Variants in TBCD observed in about 807,000 individuals in gnomAD.
TBCD encodes the protein tubulin folding cofactor D.
Under a neutral mutation model 169.3 loss-of-function variants are expected in TBCD, and 105 were observed. The ratio of observed to expected loss-of-function variants is 0.62; its 90% CI spans 0.53 to 0.73. The LOEUF (loss-of-function observed/expected upper bound fraction) is 0.73, where lower values mean the gene tolerates loss of function less well. Ranked by LOEUF, TBCD falls within the 30% of genes least tolerant of loss-of-function variation. The probability of loss-of-function intolerance (pLI) is 0.00; values close to 1 mark genes in which losing one functional copy is unlikely to be tolerated. For missense variants in TBCD, 1,444 were observed against 1,600.1 expected (o/e 0.90, Z 1.66); for synonymous variants, 700 against 643.9 (o/e 1.09, Z -1.32).
intron 21 of TBCD, chr17:82,908,325 C>T (rs992717563): frequency 1.8e-5 from 8 of 456,750 alleles, no homozygotes; most frequent in African/African-American, 1.6e-4. Flanking sequence ...GGTCTGATGT[C>T]TCCTGAAAGT....
At chr17:82,830,938 A>G in intron 13 of TBCD, 2 of 1,613,268 alleles carry the variant, frequency 1.2e-6, no homozygotes, top group South Asian at 1.1e-5. Context: ...TGCGTGAAGC[A>G]GTGTGAGCAA....
In TBCD at chr17:82,890,437, C is replaced by T. The variant is rs1485168666; in HGVS notation, c.1563+740C>T. Among the ~76,000 whole-genome samples the T allele has an allele frequency of 2.0e-5, 3 of 152,048 alleles. No individual in the cohort carries two copies. The highest frequency in any genetic ancestry group is 2.9e-5 in the Non-Finnish European group (2 of 68,004). The stretch of plus-strand genomic sequence containing the variant: ...TGGGCTGTGGCCAGGTGGTGTGGGG[C>T]GGCATGGGGTGGACGTGGGCCTGCG... On this transcript the variant is annotated intron_variant, in intron 16 of 38. Transcript: ENST00000355528. The surrounding 1 kb of genome is among the most constrained non-coding windows in gnomAD (Gnocchi z 5.3).
chr17:82,864,982 T>A lies in TBCD; in HGVS notation c.1319-5242T>A, dbSNP rs1339558237. Among the ~76,000 whole-genome samples, 3 of 152,146 alleles carry A rather than the reference T, an allele frequency of 2.0e-5. No individual in the cohort carries two copies. The highest frequency in any genetic ancestry group is 4.4e-5 in the Non-Finnish European group (3 of 68,020). On this transcript the variant is annotated intron_variant, in intron 13 of 38. Transcript: ENST00000355528. The surrounding 1 kb of genome is among the most constrained non-coding windows in gnomAD (Gnocchi z 6.3). The stretch of plus-strand genomic sequence containing the variant: ...GCAGGCCGAGCACCAAGTCTGTGCT[T>A]GCCCCACTGTGCAGCGTTGCAGGTG...
At chr17:82,871,110 C>G (rs1021540214) in intron 14 of TBCD, among the ~76,000 whole-genome samples, 2 of 152,206 alleles carry the variant, frequency 1.3e-5, no homozygotes, top group Non-Finnish European at 2.9e-5. Flanking sequence ...AGAAGCTGTG[C>G]GGCCTGTGGC....
chr17:82,876,202 TC>T (rs1397398152), intron 14 of TBCD, among the ~76,000 whole-genome samples: 1 of 152,158 alleles, frequency 6.6e-6, no homozygotes, highest in Non-Finnish European at 1.5e-5. Flanking sequence ...GGCGTGCACT[TC>T]CCCTTGACTC....
At chr17:82,900,514 G>T in intron 17 of TBCD, 137 bp from the exon 18 acceptor site, 1 of 682,266 alleles carries the variant, frequency 1.5e-6, no homozygotes, top group Non-Finnish European at 2.6e-6. Context: ...CTGCTCAGGA[G>T]GGAATGGCTG....
chr17:82,876,260 G>A (rs2057964020), intron 14 of TBCD, among the ~76,000 whole-genome samples: 1 of 152,204 alleles, frequency 6.6e-6, no homozygotes, highest in African/African-American at 2.4e-5. Flanking sequence ...CCATTTCTCT[G>A]TGTTGGGAAA....
In TBCD at chr17:82,884,292, A is replaced by G. The variant is rs1163546459; in HGVS notation, c.1533+90A>G. On this transcript the variant is annotated intron_variant, in intron 15 of 38. Transcript: ENST00000355528. The surrounding 1 kb of genome is among the most constrained non-coding windows in gnomAD (Gnocchi z 4.2). ...CTCCTCTGTGCACTGCTGCCTGGCCAGCTCACCCATCCACAGCAGGAGCCG... is the reference window on the plus strand; with the variant it reads ...CTCCTCTGTGCACTGCTGCCTGGCCGGCTCACCCATCCACAGCAGGAGCCG... 7.9e-7 allele frequency: 1 copy of G among 1,272,358 alleles called. No homozygotes were observed. The highest frequency in any genetic ancestry group is 2.0e-5 in the Admixed American group (1 of 50,542). The allele number at this position is 1,272,358 out of a possible 1,614,324, so 78.8% of individuals were successfully genotyped here. A position where few individuals can be genotyped will look rare whatever the true frequency, so the allele number is the denominator to read the frequency against.
At chr17:82,829,307 AC>A (rs3834573) in intron 13 of TBCD, 64,357 of 149,754 alleles carry the variant, frequency 0.43, 13,677 homozygotes, top group East Asian at 0.55. Flanking sequence ...GAATGTGCAC[AC>A]CCCCCCCACA....
intron 2 of TBCD, among the ~76,000 whole-genome samples, chr17:82,761,462 C>T (rs952738366): frequency 1.3e-5 from 2 of 152,170 alleles, no homozygotes; most frequent in African/African-American, 4.8e-5. Flanking sequence ...ACACCCCGCG[C>T]TATCAAGATA....
intron 16 of TBCD, 93 bp from the exon 17 acceptor site, chr17:82,893,454 G>C: frequency 1.9e-6 from 2 of 1,031,574 alleles, no homozygotes; most frequent in South Asian, 1.5e-5. Flanking sequence ...GGGTTCATGA[G>C]TGTAAATGTC....
chr17:82,780,281 C>T (rs976923658), intron 6 of TBCD, among the ~76,000 whole-genome samples: 1 of 152,004 alleles, frequency 6.6e-6, no homozygotes, highest in Non-Finnish European at 1.5e-5. Flanking sequence ...GAGGCCATGC[C>T]CTCCCGTTTC....
At chr17:82,928,254 G>A (rs1320139691) in intron 30 of TBCD, among the ~76,000 whole-genome samples, 1 of 152,200 alleles carries the variant, frequency 6.6e-6, no homozygotes, top group Admixed American at 6.5e-5. Context: ...CTCCAACGGT[G>A]CTCTGGCCAG....
At chr17:82,845,075 T>C (rs1456499241) in intron 13 of TBCD, among the ~76,000 whole-genome samples, 1 of 152,054 alleles carries the variant, frequency 6.6e-6, no homozygotes, top group Non-Finnish European at 1.5e-5. Context: ...CCAGTGTGTG[T>C]TGGGGGGTGC....
At chr17:82,867,269 G>A (rs2057237496) in intron 13 of TBCD, among the ~76,000 whole-genome samples, 1 of 152,222 alleles carries the variant, frequency 6.6e-6, no homozygotes, top group Non-Finnish European at 1.5e-5. Flanking sequence ...GGAGGCCTGA[G>A]GCCATTGTCC....
chr17:82,850,131 T>TGTGCTGC, intron 13 of TBCD, among the ~76,000 whole-genome samples: 1 of 19,934 alleles, frequency 5.0e-5, no homozygotes, highest in East Asian at 2.1e-3. Flanking sequence ...GGCTGTGTTG[T>TGTGCTGC]TGTTGGCTGT....
chr17:82,903,313 C>T lies in TBCD; in HGVS notation c.1731-92C>T, dbSNP rs74001703. ...TCTGCTAAGTGGCCGGTTGAGGACTCGTGTGTTGTCTCCCTCACTTTCTTT... is the reference window on the plus strand; with the variant it reads ...TCTGCTAAGTGGCCGGTTGAGGACTTGTGTGTTGTCTCCCTCACTTTCTTT... On this transcript the variant is annotated intron_variant, in intron 18 of 38. Coordinates refer to ENST00000355528, the MANE Select transcript of TBCD (RefSeq NM_005993.5). The surrounding 1 kb of genome is among the most constrained non-coding windows in gnomAD (Gnocchi z 4.8). 2,928 of 1,240,200 alleles carry T rather than the reference C, an allele frequency of 2.4e-3. 51 individuals carry two copies. In the African/African-American group the frequency reaches 0.038, roughly 16 times the overall value. 76.8% of individuals were successfully genotyped at this position (1,240,200 alleles called of 1,614,324 possible).
rs1257243296 is a variant in TBCD at position 82,874,140 on chromosome 17, T to G, written c.1475+3760T>G. On this transcript the variant is annotated intron_variant, in intron 14 of 38. Coordinates refer to ENST00000355528, the MANE Select transcript of TBCD (RefSeq NM_005993.5). This position sits in a 1 kb window ranked among gnomAD's most constrained non-coding sequence, Gnocchi z 5.0. ...GTGCTCCCTGGGGGTTGTGTGTGTG[T>G]GGGTCCCACGGTGGGAGGTGGGGTT... is the stretch of plus-strand genomic sequence containing the variant. Among the ~76,000 whole-genome samples the G allele has an allele frequency of 1.3e-5, 2 of 152,214 alleles. No homozygotes were observed. Among genetic ancestry groups the G allele is most frequent in the South Asian group, 2.1e-4 (1 of 4,820 alleles).
At chr17:82,840,482 C>A (rs2054376890) in intron 13 of TBCD, 1 of 152,286 alleles carries the variant, frequency 6.6e-6, no homozygotes, top group African/African-American at 2.4e-5. Flanking sequence ...CCAGTGAGGC[C>A]TTTGAGGATC....
Sources: gnomAD v4.1 joint callset for allele counts (sites outside exome capture counted in the v4.1 genomes callset) on GRCh38, gnomAD v4.1.1 for gene constraint, Gnocchi (gnomAD v3.1) non-coding constraint, MANE v1.5 for transcripts, NCBI Gene and HGNC (gene_info 2026-07-23, HGNC 2026-07-21) for gene names.